Variants in CD109 observed in about 807,000 individuals in gnomAD.
CD109 encodes the protein CD109 antigen.
In CD109, 149 loss-of-function variants were observed where a neutral mutation model predicts 165.8. That is an observed-to-expected ratio of 0.90 (90% CI 0.79 to 1.03). The LOEUF (loss-of-function observed/expected upper bound fraction) is 1.03. Among genes scored for constraint, CD109 ranks in the 50% least tolerant of loss-of-function variants. The pLI is 0.00. For synonymous variants in CD109, 585 were observed against 592.1 expected (o/e 0.99, Z 0.18); for missense variants, 1,712 against 1,677.8 (o/e 1.02, Z -0.36).
rs1247866170 is a variant in CD109 at position 73,788,617 on chromosome 6, G to C, written c.2701+5G>C. 1.2e-6 allele frequency: 2 copies of C among 1,607,216 alleles called. No homozygotes were observed. The highest frequency in any genetic ancestry group is 3.4e-5 in the Admixed American group (2 of 58,956). On this transcript the variant is annotated splice_donor_5th_base_variant and intron_variant, in intron 22 of 32. Transcript: ENST00000287097. ...GAGTTCAGATCACTGCAATTGGTAAGAATAGAGTATATCACCATCTATTGG... is the reference window on the plus strand; with the variant it reads ...GAGTTCAGATCACTGCAATTGGTAACAATAGAGTATATCACCATCTATTGG...
intron 22 of CD109, among the ~76,000 whole-genome samples, chr6:73,791,270 ACTTGAACTT>A (rs111365255): frequency 0.38 from 52,393 of 139,356 alleles, 10,219 homozygotes; most frequent in African/African-American, 0.45. Context: ...CCCAGGCTGG[ACTTGAACTT>A]CTTGAACTTC....
chr6:73,777,093 G>T (rs182515393), intron 15 of CD109, among the ~76,000 whole-genome samples: 2 of 122,848 alleles, frequency 1.6e-5, no homozygotes, highest in East Asian at 5.8e-4. Context: ...CAAGTAGCTG[G>T]AATTACAGGC....
chr6:73,752,691 A>G (rs1319571685), intron 5 of CD109, among the ~76,000 whole-genome samples: 3 of 152,176 alleles, frequency 2.0e-5, no homozygotes, highest in Non-Finnish European at 4.4e-5. Context: ...CATATTGGGG[A>G]AAGAAGAGCT....
intron 7 of CD109, among the ~76,000 whole-genome samples, chr6:73,761,612 T>A (rs1773634855): frequency 1.3e-5 from 2 of 152,292 alleles, no homozygotes; most frequent in South Asian, 4.1e-4. Flanking sequence ...AGCCTCCACC[T>A]CCTGGGTTCA....
chr6:73,792,006 C>A (rs577504235), intron 22 of CD109, among the ~76,000 whole-genome samples: 1 of 152,242 alleles, frequency 6.6e-6, no homozygotes, highest in East Asian at 1.9e-4. Flanking sequence ...TGAATTTTTG[C>A]TACTTTCCCT....
At chr6:73,776,553 CTTTTTTT>C (rs34703329) in intron 15 of CD109, among the ~76,000 whole-genome samples, 6 of 73,078 alleles carry the variant, frequency 8.2e-5, no homozygotes, top group East Asian at 8.2e-4. Flanking sequence ...CGCAAGTGGC[CTTTTTTT>C]TTTTTTTTTT....
At chr6:73,743,923 C>G (rs760419593) in intron 5 of CD109, among the ~76,000 whole-genome samples, 1 of 152,208 alleles carries the variant, frequency 6.6e-6, no homozygotes, top group Non-Finnish European at 1.5e-5. Context: ...ATATTGATTT[C>G]TTAGAGCATT....
intron 2 of CD109, among the ~76,000 whole-genome samples, chr6:73,721,476 T>C (rs1308196885): frequency 2.6e-5 from 4 of 151,664 alleles, no homozygotes; most frequent in South Asian, 2.1e-4. Context: ...ACCATTCTCC[T>C]GCCTCAGCCT....
intron 2 of CD109, among the ~76,000 whole-genome samples, chr6:73,713,592 C>T (rs1032627163): frequency 2.0e-5 from 3 of 152,186 alleles, no homozygotes; most frequent in African/African-American, 7.2e-5. Flanking sequence ...ATCTTTCTTG[C>T]ATCTGTGAAC....
intron 10 of CD109, among the ~76,000 whole-genome samples, chr6:73,764,612 C>T (rs545277772): frequency 5.3e-5 from 8 of 151,850 alleles, no homozygotes; most frequent in Non-Finnish European, 8.8e-5. Flanking sequence ...GTTAGGAGTT[C>T]GAGACCAGCC....
chr6:73,695,497 C>G (rs991834673), upstream of CD109: 1 of 151,856 alleles, frequency 6.6e-6, no homozygotes, highest in Non-Finnish European at 1.5e-5. Flanking sequence ...TTTCAGGGTT[C>G]CAAGTAGCAA....
chr6:73,759,239 T>G (rs1288468279), intron 7 of CD109, among the ~76,000 whole-genome samples: 1 of 152,208 alleles, frequency 6.6e-6, no homozygotes, highest in African/African-American at 2.4e-5. Flanking sequence ...CGACCCAGTC[T>G]TAAAATATTT....
chr6:73,812,977 T>C (rs1775805161), intron 29 of CD109, among the ~76,000 whole-genome samples: 1 of 152,104 alleles, frequency 6.6e-6, no homozygotes, highest in Admixed American at 6.6e-5. Flanking sequence ...ATGGCTATTA[T>C]GGAGAAAAAG....
chr6:73,787,417 G>A lies in CD109; in HGVS notation c.2521G>A (p.Ala841Thr). The A allele has an allele frequency of 3.1e-6, 5 of 1,613,748 alleles. No homozygotes were observed. Among genetic ancestry groups the A allele is most frequent in the Non-Finnish European group, 4.2e-6 (5 of 1,179,740 alleles). ...CACAGTCACAGCTCTTTCACCCACTGCTTCTGATGCTGTCACCCAGATGAT... is the reference window on the plus strand; with the variant it reads ...CACAGTCACAGCTCTTTCACCCACTACTTCTGATGCTGTCACCCAGATGAT... ...PITVTALSPT[A>T]SDAVTQMILV... is the part of the protein sequence containing the mutation. Residue 841 changes from alanine (A) to threonine (T), a missense_variant, in exon 21 of 33, where the codon GCT becomes ACT. Ala to Thr is a moderately conservative substitution (Grantham distance 58, BLOSUM62 0). Coordinates refer to ENST00000287097, the MANE Select transcript of CD109 (RefSeq NM_133493.5).
chr6:73,757,846 G>A (rs542482429), intron 6 of CD109, among the ~76,000 whole-genome samples: 1 of 151,920 alleles, frequency 6.6e-6, no homozygotes, highest in African/African-American at 2.4e-5. Flanking sequence ...TACACATATG[G>A]CTCCCATTTT....
At chr6:73,710,724 C>A (rs1771500439) in intron 2 of CD109, among the ~76,000 whole-genome samples, 1 of 152,128 alleles carries the variant, frequency 6.6e-6, no homozygotes, top group African/African-American at 2.4e-5. Flanking sequence ...GATCTTCACC[C>A]TTATCCCTTA....
intron 26 of CD109, among the ~76,000 whole-genome samples, chr6:73,809,588 A>G (rs1279542885): frequency 6.6e-6 from 1 of 152,104 alleles, no homozygotes; most frequent in Non-Finnish European, 1.5e-5. Flanking sequence ...GAAATCCAAA[A>G]TGCTCCAATG....
In CD109 at chr6:73,815,023, A is replaced by G. The variant is rs749526646; in HGVS notation, c.3811A>G (p.Arg1271Gly). 3.8e-6 allele frequency: 6 copies of G among 1,581,370 alleles called. No individual in the cohort carries two copies. Among genetic ancestry groups the G allele is most frequent in the Non-Finnish European group, 4.3e-6 (5 of 1,169,746 alleles). Residue 1271 changes from arginine (R) to glycine (G), a missense_variant, in exon 30 of 33, where the codon AGA (arginine) becomes GGA (glycine). By Grantham distance (125) the Arg-to-Gly change is moderately radical. Transcript: ENST00000287097. ...TGTGAAGGCTTCTGGGTCTTCTAGA[A>G]GACGAAGATCTATCCAAAATCAAGA... is the stretch of plus-strand genomic sequence containing the variant. ...YNVKASGSSR[R>G]RRSIQNQEAF...
At position 73,697,546 on chromosome 6, in the gene CD109, T is replaced by C; in HGVS notation, c.221T>C (p.Leu74Pro). 6.2e-7 allele frequency: 1 copy of C among 1,613,994 alleles called. No individual in the cohort carries two copies. Among genetic ancestry groups the C allele is most frequent in the East Asian group, 2.2e-5 (1 of 44,882 alleles). ...GCATCAAACCTCACTGTCTCTGTCCTGGAAGCAGAAGGAGTCTTTGAAAAA... is the reference window on the plus strand; with the variant it reads ...GCATCAAACCTCACTGTCTCTGTCCCGGAAGCAGAAGGAGTCTTTGAAAAA... ...KTASNLTVSV[L>P]EAEGVFEKGS... Residue 74 changes from leucine to proline, a missense_variant, in exon 2 of 33, where the codon CTG (leucine) becomes CCG (proline). Physicochemically the swap from Leu to Pro is moderately conservative, Grantham distance 98 (BLOSUM62 -3). Coordinates refer to ENST00000287097, the MANE Select transcript of CD109 (RefSeq NM_133493.5).
Sources: gnomAD v4.1 joint callset for allele counts (sites outside exome capture counted in the v4.1 genomes callset) on GRCh38, gnomAD v4.1.1 for gene constraint, MANE v1.5 for transcripts, NCBI Gene and HGNC (gene_info 2026-07-23, HGNC 2026-07-21) for gene names.